BRINP3: variants seen among roughly 807,000 people sequenced by gnomAD.
The protein encoded by BRINP3 is BMP/retinoic acid-inducible neural-specific protein 3.
In BRINP3, 19 loss-of-function variants were observed where a neutral mutation model predicts 71.0. The observed-to-expected ratio is 0.27, with a 90% confidence interval of 0.19 to 0.39. BRINP3 has a LOEUF of 0.39. Ranked by LOEUF, BRINP3 falls within the 10% of genes least tolerant of loss-of-function variation. The pLI, the probability that BRINP3 is intolerant of heterozygous loss-of-function variation, is 1.00. For synonymous variants in BRINP3, 380 were observed against 337.7 expected, an observed-to-expected ratio of 1.13 and a Z score of -1.37; for missense variants, 959 against 940.8, an observed-to-expected ratio of 1.02 and a Z score of -0.25.
At chr1:190,309,500 G>A (rs914896731) in intron 2 of BRINP3, among the ~76,000 whole-genome samples, 1 of 151,574 alleles carries the variant, frequency 6.6e-6, no homozygotes, top group African/African-American at 2.4e-5. Flanking sequence ...CATGATTTCG[G>A]CATATATTGA....
At chr1:190,369,914 C>T (rs541595875) in intron 2 of BRINP3, among the ~76,000 whole-genome samples, 2 of 152,098 alleles carry the variant, frequency 1.3e-5, no homozygotes, top group Non-Finnish European at 2.9e-5. Flanking sequence ...AATAAATATA[C>T]ATTTGCACTT....
chr1:190,321,158 C>G (rs2103051003), intron 2 of BRINP3, among the ~76,000 whole-genome samples: 1 of 151,990 alleles, frequency 6.6e-6, no homozygotes, highest in South Asian at 2.1e-4. Flanking sequence ...ATCTAGTGGT[C>G]AGAACACTGA....
At position 190,098,617 on chromosome 1, in the gene BRINP3, C is replaced by G. The variant is rs749849869; in HGVS notation, c.1702G>C (p.Val568Leu). Residue 568 changes from valine to leucine, a missense_variant, in exon 8 of 8, where the codon GTG (valine) becomes CTG (leucine). Transcript: ENST00000367462. ...CLTKNSTLEPVLAVYVNPFGG... is the reference protein window; with the variant it reads ...CLTKNSTLEPLLAVYVNPFGG... ...AAGGGATTGACATAAACAGCCAACA[C>G]TGGCTCCAAGGTGCTGTTTTTAGTT... The G allele has an allele frequency of 1.2e-6, 2 of 1,614,172 alleles. No homozygotes were observed. Among genetic ancestry groups the G allele is most frequent in the Non-Finnish European group, 1.7e-6 (2 of 1,180,030 alleles).
chr1:190,452,236 A>T (rs1364722491), intron 2 of BRINP3, among the ~76,000 whole-genome samples: 1 of 152,228 alleles, frequency 6.6e-6, no homozygotes, highest in Non-Finnish European at 1.5e-5. Flanking sequence ...AAGGTACCCT[A>T]ATGAATAAAT....
At chr1:190,126,472 T>C (rs1439332408) in intron 7 of BRINP3, among the ~76,000 whole-genome samples, 1 of 151,962 alleles carries the variant, frequency 6.6e-6, no homozygotes, top group Non-Finnish European at 1.5e-5. Context: ...AAAATACCTG[T>C]ATCATAGGAC....
At chr1:190,342,137 G>GTCTTCTGCC (rs1310064418) in intron 2 of BRINP3, among the ~76,000 whole-genome samples, 1 of 151,296 alleles carries the variant, frequency 6.6e-6, no homozygotes, top group African/African-American at 2.4e-5. Context: ...CTGGTTCTCT[G>GTCTTCTGCC]TCTTCTGCCT....
chr1:190,457,654 G>A (rs375466320), intron 1 of BRINP3, among the ~76,000 whole-genome samples: 1 of 152,032 alleles, frequency 6.6e-6, no homozygotes, highest in Non-Finnish European at 1.5e-5. Flanking sequence ...AAGGACATGT[G>A]GTAAAGTTTT....
intron 7 of BRINP3, among the ~76,000 whole-genome samples, chr1:190,149,886 T>A (rs568190729): frequency 1.6e-4 from 24 of 152,092 alleles, no homozygotes; most frequent in Non-Finnish European, 3.1e-4. Flanking sequence ...TTTTCTTGAG[T>A]GTTCTTTTGT....
chr1:190,412,406 T>C (rs1162549847), intron 2 of BRINP3, among the ~76,000 whole-genome samples: 3 of 141,738 alleles, frequency 2.1e-5, no homozygotes, highest in Admixed American at 2.1e-4. Context: ...TATATATATA[T>C]ATATATATAC....
At chr1:190,314,369 G>A (rs544715740) in intron 2 of BRINP3, among the ~76,000 whole-genome samples, 11 of 152,120 alleles carry the variant, frequency 7.2e-5, no homozygotes, top group East Asian at 3.9e-4. Flanking sequence ...CTTGGGTTAC[G>A]GGACAAAGGG....
At chr1:190,310,047 C>T (rs1665406417) in intron 2 of BRINP3, among the ~76,000 whole-genome samples, 1 of 150,882 alleles carries the variant, frequency 6.6e-6, no homozygotes, top group Non-Finnish European at 1.5e-5. Flanking sequence ...TATATTTTCC[C>T]TTATTTGTAA....
chr1:190,300,584 A>G (rs1664602347), intron 2 of BRINP3, among the ~76,000 whole-genome samples: 1 of 152,112 alleles, frequency 6.6e-6, no homozygotes. Context: ...AGATCTGAGA[A>G]CGGGCAGACT....
At chr1:190,363,335 GAC>G (rs1239127336) in intron 2 of BRINP3, among the ~76,000 whole-genome samples, 2 of 152,186 alleles carry the variant, frequency 1.3e-5, no homozygotes, top group Admixed American at 1.3e-4. Flanking sequence ...CTGAGCAGAG[GAC>G]ACAGTTCACC....
At chr1:190,358,941 C>T (rs981905854) in intron 2 of BRINP3, among the ~76,000 whole-genome samples, 2 of 151,910 alleles carry the variant, frequency 1.3e-5, no homozygotes, top group African/African-American at 4.8e-5. Context: ...TGTTCTCATT[C>T]ATAGGTGGGA....
At chr1:190,388,148 C>T (rs894528190) in intron 2 of BRINP3, among the ~76,000 whole-genome samples, 36 of 151,768 alleles carry the variant, frequency 2.4e-4, no homozygotes, top group African/African-American at 8.0e-4. Context: ...GAAGGAATTC[C>T]TTCTCTGAGT....
At chr1:190,445,028 G>C (rs1396217301) in intron 2 of BRINP3, among the ~76,000 whole-genome samples, 1 of 152,030 alleles carries the variant, frequency 6.6e-6, no homozygotes, top group Non-Finnish European at 1.5e-5. Flanking sequence ...ATTAATTGGT[G>C]TAAGACTCTT....
At chr1:190,448,466 TG>T (rs1675382645) in intron 2 of BRINP3, among the ~76,000 whole-genome samples, 1 of 104,408 alleles carries the variant, frequency 9.6e-6, no homozygotes, top group Non-Finnish European at 2.3e-5. Flanking sequence ...TTGGGGTTTG[TG>T]TGTGTGTGTG....
At chr1:190,294,269 T>A (rs966423708) in intron 2 of BRINP3, among the ~76,000 whole-genome samples, 1 of 152,002 alleles carries the variant, frequency 6.6e-6, no homozygotes, top group Non-Finnish European at 1.5e-5. Context: ...TACCTTTTTT[T>A]TTTTTTTGAG....
chr1:190,370,135 C>T (rs1339105296), intron 2 of BRINP3, among the ~76,000 whole-genome samples: 1 of 152,118 alleles, frequency 6.6e-6, no homozygotes, highest in Non-Finnish European at 1.5e-5. Flanking sequence ...ATCCCCGTAA[C>T]ATTTTCACAA....
Sources: gnomAD v4.1 joint callset for allele counts (sites outside exome capture counted in the v4.1 genomes callset) on GRCh38, gnomAD v4.1.1 for gene constraint, MANE v1.5 for transcripts, NCBI Gene and HGNC (gene_info 2026-07-23, HGNC 2026-07-21) for gene names.